CDC6: variants seen among roughly 807,000 people sequenced by gnomAD.
CDC6 encodes DNA replication factor CDC6.
A neutral mutation model predicts 60.2 loss-of-function variants in CDC6; 46 were observed. The ratio of observed to expected loss-of-function variants is 0.76; its 90% CI spans 0.60 to 0.98. CDC6 has a LOEUF of 0.98. Among genes scored for constraint, CDC6 ranks in the 50% least tolerant of loss-of-function variants. The pLI is 0.00. For missense variants in CDC6, 596 were observed against 652.9 expected (o/e 0.91, Z 0.95); for synonymous variants, 210 against 233.2 (o/e 0.90, Z 0.90).
chr17:40,299,507 A>G (rs189667404), intron 9 of CDC6, among the ~76,000 whole-genome samples: 3 of 151,850 alleles, frequency 2.0e-5, no homozygotes, highest in East Asian at 3.9e-4. Context: ...AGAAGTGAGA[A>G]CATGTGGTAT....
At position 40,301,488 on chromosome 17, in the gene CDC6, A is replaced by C. The variant is rs2032939578; in HGVS notation, c.1473A>C (p.Lys491Asn). Reference protein sequence around the residue: ...TLGKLYEAYSKVCRKQQVAAV... With the variant: ...TLGKLYEAYSNVCRKQQVAAV... The stretch of plus-strand genomic sequence containing the variant: ...ACCAGTTATATGAAGCCTACAGTAA[A>C]GTCTGTCGCAAACAGCAGGTGGCGG... The change falls in exon 11 of 12, where the codon AAA becomes AAC. Residue 491 changes from lysine (K) to asparagine (N), a missense_variant. Coordinates refer to ENST00000209728, the MANE Select transcript of CDC6 (RefSeq NM_001254.4). 1 of 1,614,148 alleles carries C rather than the reference A, an allele frequency of 6.2e-7. No homozygotes were observed. The highest frequency in any genetic ancestry group is 8.5e-7 in the Non-Finnish European group (1 of 1,179,958).
chr17:40,293,685 C>T (rs1324452992), intron 5 of CDC6, 54 bp downstream of exon 5: 1 of 1,354,974 alleles, frequency 7.4e-7, no homozygotes, highest in South Asian at 1.2e-5. Flanking sequence ...GGTCTGTTGC[C>T]CATAAAAAGT....
In CDC6 at chr17:40,302,303, T is replaced by C; in HGVS notation, c.*302T>C. The C allele has an allele frequency of 2.9e-6, 1 of 347,560 alleles. No individual in the cohort carries two copies. Among genetic ancestry groups the C allele is most frequent in the Non-Finnish European group, 5.3e-6 (1 of 188,438 alleles). The allele number at this position is 347,560 out of a possible 1,614,324, so 21.5% of individuals were successfully genotyped here. ...AGATCTGTGTAGAGGAATGTGTGTA[T>C]ATTTACCTCTTCGTTTGCTCAAACA... On this transcript the variant is annotated 3_prime_UTR_variant, in exon 12 of 12. Coordinates refer to ENST00000209728, the MANE Select transcript of CDC6 (RefSeq NM_001254.4).
At chr17:40,292,476 C>CA (rs1303818894) in intron 4 of CDC6, among the ~76,000 whole-genome samples, 5 of 150,234 alleles carry the variant, frequency 3.3e-5, no homozygotes, top group Non-Finnish European at 5.9e-5. Context: ...ACTAATAATA[C>CA]AAAAAAAAAT....
At position 40,289,414 on chromosome 17, in the gene CDC6, T is replaced by C. The variant is rs2032715030; in HGVS notation, c.-7T>C. On this transcript the variant is annotated 5_prime_UTR_variant, in exon 2 of 12. Transcript: ENST00000209728. ...CTTATTTTTTTTAATCTAGCTGTGC[T>C]GTCGTCATGCCTCAAACCCGATCCC... 8 of 1,613,488 alleles carry C rather than the reference T, an allele frequency of 5.0e-6. No individual in the cohort carries two copies. The highest frequency in any genetic ancestry group is 1.3e-5 in the African/African-American group (1 of 74,918).
chr17:40,296,601 C>T (rs2032863364), intron 8 of CDC6, 102 bp from the exon 9 acceptor site: 1 of 727,886 alleles, frequency 1.4e-6, no homozygotes, highest in African/African-American at 1.8e-5. Context: ...TTCATAGTTG[C>T]AGTCTTTGAG....
chr17:40,300,796 A>G, intron 9 of CDC6, 32 bp from the exon 10 acceptor site: 1 of 1,523,476 alleles, frequency 6.6e-7, no homozygotes, highest in Non-Finnish European at 9.1e-7. Flanking sequence ...TATTTTAGAA[A>G]TCGAATTAAG....
intron 7 of CDC6, among the ~76,000 whole-genome samples, 175 bp downstream of exon 7, chr17:40,294,678 G>T (rs2032832415): frequency 1.3e-5 from 2 of 151,208 alleles, no homozygotes; most frequent in Admixed American, 6.6e-5. Context: ...CATTTACTGG[G>T]TGTCTCAGTG....
chr17:40,288,907 GT>G (rs1364197380), intron 1 of CDC6, among the ~76,000 whole-genome samples: 1 of 151,822 alleles, frequency 6.6e-6, no homozygotes, highest in Non-Finnish European at 1.5e-5. Flanking sequence ...CTCCATGTTG[GT>G]CAGGCTGGTC....
Position 40,295,470 on chromosome 17 carries a change from CT to C in CDC6, c.1184+15del, listed in dbSNP as rs772670243. ...GGATGTTTGCAGGTGAGTTACGGCTCTGTTGCATTCTTTTATTAAAAAAAAA... is the reference window on the plus strand; with the variant it reads ...GGATGTTTGCAGGTGAGTTACGGCTCGTTGCATTCTTTTATTAAAAAAAAA... On this transcript the variant is annotated intron_variant, in intron 8 of 11. Transcript: ENST00000209728. The C allele has an allele frequency of 1.4e-6, 2 of 1,459,878 alleles. No homozygotes were observed. The highest frequency in any genetic ancestry group is 3.4e-5 in the Admixed American group (2 of 59,486). The allele number at this position is 1,459,878 out of a possible 1,614,324, so 90.4% of individuals were successfully genotyped here. A position where few individuals can be genotyped will look rare whatever the true frequency, so the allele number is the denominator to read the frequency against.
Position 40,296,758 on chromosome 17 carries a change from C to T in CDC6, c.1240C>T (p.Leu414=), listed in dbSNP as rs772624886. 2 of 1,595,216 alleles carry T rather than the reference C, an allele frequency of 1.3e-6. No individual in the cohort carries two copies. Among genetic ancestry groups the T allele is most frequent in the Admixed American group, 3.3e-5 (2 of 59,996 alleles). Residue 414 remains leucine (L), a synonymous_variant, in exon 9 of 12, where the codon CTG becomes TTG. Coordinates refer to ENST00000209728, the MANE Select transcript of CDC6 (RefSeq NM_001254.4). ...DVKSQTILKP[L]SECKSPSEPL... is the part of the protein sequence containing the mutation. The stretch of plus-strand genomic sequence containing the variant: ...CAAAAGCCAGACTATTCTCAAACCA[C>T]TGTCTGAATGTAAGTAGTTTATCTC...
At chr17:40,297,429 G>T (rs1443982651) in intron 9 of CDC6, among the ~76,000 whole-genome samples, 3 of 152,124 alleles carry the variant, frequency 2.0e-5, no homozygotes, top group Non-Finnish European at 2.9e-5. Context: ...GTTGAACAAT[G>T]AGAACACATG....
At chr17:40,293,363 C>T (rs1452271721) in intron 4 of CDC6, 93 bp from the exon 5 acceptor site, 5 of 866,544 alleles carry the variant, frequency 5.8e-6, no homozygotes, top group African/African-American at 3.3e-5. Context: ...AGCTTCCTTA[C>T]GTGCTGTTAG....
At chr17:40,294,557 G>GA in intron 7 of CDC6, 54 bp downstream of exon 7, 1 of 1,561,224 alleles carries the variant, frequency 6.4e-7, no homozygotes, top group Non-Finnish European at 8.8e-7. Context: ...CCTGTGCTAG[G>GA]AAAATTTAAC....
chr17:40,300,194 C>A lies in CDC6; in HGVS notation c.1250-634C>A, dbSNP rs567165228. 2.6e-5 allele frequency among the ~76,000 whole-genome samples: 4 copies of A among 152,284 alleles called. No homozygotes were observed. In the East Asian group the frequency reaches 7.7e-4, roughly 29 times the overall value. On this transcript the variant is annotated intron_variant, in intron 9 of 11. Transcript: ENST00000209728. Reference sequence around the variant, plus strand: ...GGGCAGGCTGGTCTCCAACTCCTGACCTCAGGTGATCTGCCCGCCTTGATC... The same window carrying A: ...GGGCAGGCTGGTCTCCAACTCCTGAACTCAGGTGATCTGCCCGCCTTGATC...
At chr17:40,290,423 A>G (rs935528825) in intron 2 of CDC6, among the ~76,000 whole-genome samples, 11 of 152,138 alleles carry the variant, frequency 7.2e-5, no homozygotes, top group African/African-American at 2.7e-4. Context: ...AGACATTACA[A>G]TGCACAGGAC....
At position 40,291,198 on chromosome 17, in the gene CDC6, C is replaced by T. The variant is rs765877868; in HGVS notation, c.319C>T (p.Pro107Ser). Reference protein sequence around the residue: ...VFDNQLTIKSPSKRELAKVHQ... With the variant: ...VFDNQLTIKSSSKRELAKVHQ... The stretch of plus-strand genomic sequence containing the variant: ...TGACAATCAGCTGACAATTAAGTCT[C>T]CTAGCAAAAGAGAACTAGCCAAAGT... The change falls in exon 3 of 12, where the codon CCT becomes TCT. Residue 107 changes from proline (P) to serine (S), a missense_variant. Pro to Ser is a moderately conservative substitution (Grantham distance 74). Transcript: ENST00000209728. 2 of 1,614,070 alleles carry T rather than the reference C, an allele frequency of 1.2e-6. No individual in the cohort carries two copies. The highest frequency in any genetic ancestry group is 1.7e-6 in the Non-Finnish European group (2 of 1,180,054).
intron 1 of CDC6, chr17:40,289,177 G>A: frequency 2.2e-6 from 1 of 459,624 alleles, no homozygotes; most frequent in African/African-American, 2.0e-5. Flanking sequence ...GTTGTTAAAC[G>A]AGTTGGTACC....
Position 40,291,513 on chromosome 17 carries a change from C to T in CDC6, c.505C>T (p.Pro169Ser), listed in dbSNP as rs764013183. The T allele has an allele frequency of 6.2e-7, 1 of 1,614,202 alleles. No homozygotes were observed. ...AAAGCTGGTCCTGAACACAGCTGTC[C>T]CAGATCGGCTGCCTGCCAGGGAAAG... ...QAKLVLNTAV[P>S]DRLPAREREM... The change falls in exon 4 of 12, where the codon CCA becomes TCA. Residue 169 changes from proline to serine, a missense_variant. Physicochemically the swap from Pro to Ser is moderately conservative, Grantham distance 74. Transcript: ENST00000209728.
Sources: allele counts gnomAD v4.1 joint callset (sites outside exome capture counted in the v4.1 genomes callset), GRCh38; gene constraint gnomAD v4.1.1; transcripts MANE v1.5; gene names NCBI Gene and HGNC (gene_info 2026-07-23, HGNC 2026-07-21).